GPHN: variants seen among roughly 807,000 people sequenced by gnomAD.
GPHN encodes gephyrin.
Under a neutral mutation model 95.5 loss-of-function variants are expected in GPHN, and 17 were observed. That is an observed-to-expected ratio of 0.18 (90% confidence interval 0.12 to 0.27). GPHN has a LOEUF of 0.27. Ranked by LOEUF, GPHN falls within the 10% of genes least tolerant of loss-of-function variation. The pLI is 1.00. For synonymous variants in GPHN, 320 were observed against 322.5 expected, an observed-to-expected ratio of 0.99 and a Z score of 0.08; for missense variants, 660 against 978.1, an observed-to-expected ratio of 0.67 and a Z score of 4.34.
chr14:67,577,488 G>A, the GPHN span: 2 of 949,372 alleles, frequency 2.1e-6, no homozygotes, highest in Non-Finnish European at 1.6e-6. Flanking sequence ...TGTGCAGTTG[G>A]GGACAACCCA....
the GPHN span, chr14:67,574,267 A>G: frequency 7.5e-6 from 12 of 1,607,018 alleles, no homozygotes; most frequent in East Asian, 6.7e-5. This position sits in a 1 kb window ranked among gnomAD's most constrained non-coding sequence, Gnocchi z 4.2. Context: ...AAAACCTACT[A>G]CCTGACGGCC....
chr14:67,102,241 G>T (rs1406926306), intron 13 of GPHN, among the ~76,000 whole-genome samples: 1 of 152,122 alleles, frequency 6.6e-6, no homozygotes, highest in African/African-American at 2.4e-5. Context: ...GATCAACAGA[G>T]CTCCTACCTT....
intron 2 of GPHN, among the ~76,000 whole-genome samples, chr14:66,685,199 G>A (rs529484515): frequency 2.5e-4 from 38 of 152,160 alleles, no homozygotes; most frequent in South Asian, 2.5e-3. Context: ...GAATAGTGCC[G>A]CAATAAACAT....
At chr14:67,404,803 C>G in the GPHN span, among the ~76,000 whole-genome samples, 1 of 151,798 alleles carries the variant, frequency 6.6e-6, no homozygotes, top group South Asian at 2.1e-4. Flanking sequence ...GAGTGAGACC[C>G]CATCTCAGAA....
At chr14:67,056,839 C>T (rs982951401) in intron 10 of GPHN, among the ~76,000 whole-genome samples, 1 of 152,176 alleles carries the variant, frequency 6.6e-6, no homozygotes, top group Non-Finnish European at 1.5e-5. Flanking sequence ...GCATGGCGGG[C>T]TGCAGGTCCT....
At chr14:67,375,326 A>G in the GPHN span, among the ~76,000 whole-genome samples, 1 of 150,330 alleles carries the variant, frequency 6.7e-6, no homozygotes, top group Non-Finnish European at 1.5e-5. Context: ...CGCAATCTCA[A>G]CTTACTGCAA....
intron 16 of GPHN, among the ~76,000 whole-genome samples, chr14:67,120,734 GTTAA>G (rs932763187): frequency 6.6e-6 from 1 of 152,164 alleles, no homozygotes; most frequent in Non-Finnish European, 1.5e-5. Context: ...TAATAACTGT[GTTAA>G]TTAAGATCAG....
At chr14:66,723,982 T>TACACAC (rs369422536) in intron 2 of GPHN, among the ~76,000 whole-genome samples, 2,158 of 143,140 alleles carry the variant, frequency 0.015, 26 homozygotes, top group African/African-American at 0.028. Flanking sequence ...ATGTCATGCA[T>TACACAC]ACATACACAC....
chr14:66,769,699 A>G (rs920494498), intron 2 of GPHN, among the ~76,000 whole-genome samples: 4 of 152,030 alleles, frequency 2.6e-5, no homozygotes, highest in African/African-American at 9.7e-5. Context: ...GTGTATATGT[A>G]TATGTACATT....
chr14:67,360,354 C>G, the GPHN span: 1 of 397,100 alleles, frequency 2.5e-6, no homozygotes. Flanking sequence ...GCGAAGCGCA[C>G]GCTGAGGAGG....
intron 6 of GPHN, 88 bp downstream of exon 6, chr14:66,916,157 C>T (rs1319372799): frequency 2.5e-6 from 2 of 791,590 alleles, no homozygotes; most frequent in Admixed American, 3.6e-5. Flanking sequence ...GAGCACTCCA[C>T]AAGACTGCCC....
At chr14:66,562,699 G>A (rs2060313289) in intron 1 of GPHN, among the ~76,000 whole-genome samples, 1 of 152,096 alleles carries the variant, frequency 6.6e-6, no homozygotes, top group Non-Finnish European at 1.5e-5. Context: ...ATATACGCGG[G>A]AAATCAATGG....
At chr14:67,257,542 T>C in the GPHN span, among the ~76,000 whole-genome samples, 2 of 151,918 alleles carry the variant, frequency 1.3e-5, no homozygotes, top group Non-Finnish European at 2.9e-5. Flanking sequence ...AGAGAGGGAA[T>C]GTACTATGAG....
At chr14:66,777,987 G>A (rs1434196537) in intron 3 of GPHN, among the ~76,000 whole-genome samples, 1 of 152,114 alleles carries the variant, frequency 6.6e-6, no homozygotes, top group African/African-American at 2.4e-5. Context: ...AATCAGGCAG[G>A]AGAAGGAAAT....
chr14:67,335,830 T>C, the GPHN span: 1 of 152,300 alleles, frequency 6.6e-6, no homozygotes, highest in African/African-American at 2.4e-5. Flanking sequence ...CTAAGCAATT[T>C]CTCTTGCTAT....
At chr14:67,320,209 C>A in the GPHN span, 1 of 1,597,998 alleles carries the variant, frequency 6.3e-7, no homozygotes, top group Non-Finnish European at 8.5e-7. Context: ...GTTTGAAGAG[C>A]TTAACTTTTT....
chr14:67,326,806 C>T, the GPHN span, among the ~76,000 whole-genome samples: 1 of 152,190 alleles, frequency 6.6e-6, no homozygotes, highest in Non-Finnish European at 1.5e-5. Context: ...AGTTCATTCC[C>T]TCTTAATGCT....
intron 8 of GPHN, among the ~76,000 whole-genome samples, chr14:66,943,960 A>C (rs989420291): frequency 1.3e-5 from 2 of 152,206 alleles, no homozygotes; most frequent in Non-Finnish European, 2.9e-5. Flanking sequence ...TCCATGAAGA[A>C]AATAGAGGTC....
the GPHN span, among the ~76,000 whole-genome samples, chr14:67,508,182 GA>G: frequency 6.7e-6 from 1 of 149,622 alleles, no homozygotes; most frequent in Non-Finnish European, 1.5e-5. Context: ...CCCTTCTTGA[GA>G]AGGGACTTCC....
Sources: gnomAD v4.1 joint callset for allele counts (sites outside exome capture counted in the v4.1 genomes callset) on GRCh38, gnomAD v4.1.1 for gene constraint, Gnocchi (gnomAD v3.1) non-coding constraint, MANE v1.5 for transcripts, NCBI Gene and HGNC (gene_info 2026-07-23, HGNC 2026-07-21) for gene names.